Variants in MGAT5 observed in about 807,000 individuals in gnomAD.
MGAT5 encodes alpha-1,6-mannosylglycoprotein 6-beta-N-acetylglucosaminyltransferase.
In MGAT5, 30 loss-of-function variants were observed where a neutral mutation model predicts 94.3. That is an observed-to-expected ratio of 0.32 (90% confidence interval 0.24 to 0.43). The LOEUF is 0.43. Among genes scored for constraint, MGAT5 ranks in the 20% least tolerant of loss-of-function variants. MGAT5 has a pLI of 1.00. For missense variants in MGAT5, 691 were observed against 905.5 expected (o/e 0.76, Z 3.04); for synonymous variants, 310 against 322.9 (o/e 0.96, Z 0.43).
rs796433412 is a variant in MGAT5, at chr2:134,381,411, TA to T, written c.1380+19004del. Among the ~76,000 whole-genome samples the T allele has an allele frequency of 1.2e-4, 14 of 116,820 alleles. 1 individual carries two copies. Among genetic ancestry groups the T allele is most frequent in the African/African-American group, 4.6e-4 (14 of 30,232 alleles). 76.6% of individuals were successfully genotyped at this position (116,820 alleles called of 152,430 possible). Reference sequence around the variant, plus strand: ...ATAGATAGATAGATAGATAGATAGATAGATAGATAGATAGATAGATAGCCTG... The same window carrying T: ...ATAGATAGATAGATAGATAGATAGATGATAGATAGATAGATAGATAGCCTG... On this transcript the variant is annotated intron_variant, in intron 10 of 15. Coordinates refer to ENST00000281923, the MANE Select transcript of MGAT5 (RefSeq NM_002410.5).
intron 2 of MGAT5, among the ~76,000 whole-genome samples, chr2:134,288,907 A>C (rs897211898): frequency 1.3e-5 from 2 of 152,110 alleles, no homozygotes; most frequent in Non-Finnish European, 2.9e-5. Flanking sequence ...CAAACCTCTC[A>C]TTGTCACTGT....
intron 15 of MGAT5, among the ~76,000 whole-genome samples, chr2:134,444,366 C>CTGG (rs751052122): frequency 2.1e-4 from 32 of 152,242 alleles, no homozygotes; most frequent in Non-Finnish European, 1.2e-4. Flanking sequence ...ACCCCACCCC[C>CTGG]ACCTCCTACC....
Position 134,442,482 on chromosome 2 carries a change from A to G in MGAT5, c.2027+567A>G, listed in dbSNP as rs143430269. Among the ~76,000 whole-genome samples the G allele has an allele frequency of 1.2e-3, 182 of 152,302 alleles. 1 individual carries two copies. The Middle Eastern group carries it at 0.017, about 14-fold the overall frequency. On this transcript the variant is annotated intron_variant, in intron 15 of 15. Coordinates refer to ENST00000281923, the MANE Select transcript of MGAT5 (RefSeq NM_002410.5). ...TCCCTTTTGCACTTTCTTCTAGCTC[A>G]CTGACACATGGTGCATCTCAGGCCC...
intron 1 of MGAT5, among the ~76,000 whole-genome samples, chr2:134,121,015 G>A (rs1200169359): frequency 6.6e-6 from 1 of 152,068 alleles, no homozygotes; most frequent in Non-Finnish European, 1.5e-5. Context: ...AGCATGCTCA[G>A]TGCGGCCCTG....
chr2:134,130,312 A>G (rs919597565), intron 1 of MGAT5, among the ~76,000 whole-genome samples: 51 of 131,670 alleles, frequency 3.9e-4, no homozygotes, highest in Middle Eastern at 8.5e-3. Flanking sequence ...GAGCCTCCCC[A>G]GTAGCCCCAG....
intron 1 of MGAT5, among the ~76,000 whole-genome samples, chr2:134,130,057 T>A (rs1686055602): frequency 6.6e-6 from 1 of 152,180 alleles, no homozygotes; most frequent in African/African-American, 2.4e-5. Flanking sequence ...AGTGAGGGGC[T>A]TAGCACCCGT....
chr2:134,285,851 C>CT (rs780580252), intron 2 of MGAT5, among the ~76,000 whole-genome samples: 69 of 152,304 alleles, frequency 4.5e-4, no homozygotes, highest in Non-Finnish European at 8.2e-4. Context: ...TGGCTCCTCT[C>CT]TGTTTTCCAG....
intron 2 of MGAT5, among the ~76,000 whole-genome samples, chr2:134,284,365 A>G (rs909441924): frequency 6.6e-6 from 1 of 152,186 alleles, no homozygotes. Context: ...TTGTTTACTT[A>G]CTGTCTGTGG....
chr2:134,258,138 A>G (rs1166342764), intron 1 of MGAT5, among the ~76,000 whole-genome samples: 1 of 142,444 alleles, frequency 7.0e-6, no homozygotes, highest in African/African-American at 2.7e-5. Context: ...TCGGTGAACT[A>G]TGACCTATGC....
In MGAT5 at chr2:134,419,123, A is replaced by G. The variant is rs373454663; in HGVS notation, c.1678-3680A>G. ...TTTTACACCCACACAAATCTTTCATATTAAGTAATAATTGATCCACCTAAA... is the reference window on the plus strand; with the variant it reads ...TTTTACACCCACACAAATCTTTCATGTTAAGTAATAATTGATCCACCTAAA... On this transcript the variant is annotated intron_variant, in intron 12 of 15. Coordinates refer to ENST00000281923, the MANE Select transcript of MGAT5 (RefSeq NM_002410.5). 8.5e-5 allele frequency among the ~76,000 whole-genome samples: 13 copies of G among 152,366 alleles called. No homozygotes were observed. In the East Asian group the frequency reaches 2.3e-3, roughly 27 times the overall value.
At chr2:134,339,153 T>C (rs1688493552) in intron 6 of MGAT5, among the ~76,000 whole-genome samples, 2 of 152,190 alleles carry the variant, frequency 1.3e-5, no homozygotes, top group South Asian at 4.1e-4. Flanking sequence ...CAAGTCACAG[T>C]TTGATAGGTC....
At chr2:134,225,684 C>T (rs1450554200) in intron 1 of MGAT5, among the ~76,000 whole-genome samples, 1 of 152,096 alleles carries the variant, frequency 6.6e-6, no homozygotes, top group Non-Finnish European at 1.5e-5. Flanking sequence ...TGTATACAGT[C>T]ATTATAGGAC....
At chr2:134,394,831 A>G (rs151190990) in intron 10 of MGAT5, among the ~76,000 whole-genome samples, 303 of 152,328 alleles carry the variant, frequency 2.0e-3, no homozygotes, top group African/African-American at 6.8e-3. Flanking sequence ...TTTAAACAGT[A>G]TCTGGCCAAG....
At chr2:134,230,588 C>T (rs552461333) in intron 1 of MGAT5, among the ~76,000 whole-genome samples, 2 of 152,260 alleles carry the variant, frequency 1.3e-5, no homozygotes, top group African/African-American at 2.4e-5. Flanking sequence ...TGTATTAAAA[C>T]ATCACTATGT....
chr2:134,131,358 G>A (rs1686154839), intron 1 of MGAT5, among the ~76,000 whole-genome samples: 1 of 152,202 alleles, frequency 6.6e-6, no homozygotes, highest in East Asian at 1.9e-4. Context: ...AAGGAAACTT[G>A]CCCAGGGTCA....
At chr2:134,403,274 T>C (rs1012411830) in intron 11 of MGAT5, 137 bp downstream of exon 11, 17 of 791,040 alleles carry the variant, frequency 2.1e-5, no homozygotes, top group East Asian at 5.9e-5. Flanking sequence ...GCTAGACCAA[T>C]GGCAGCTGAA....
intron 1 of MGAT5, among the ~76,000 whole-genome samples, chr2:134,214,795 A>G (rs897791851): frequency 6.6e-6 from 1 of 152,204 alleles, no homozygotes; most frequent in Non-Finnish European, 1.5e-5. Context: ...CTTAGTAAGC[A>G]AACCAGTACC....
Position 134,171,568 on chromosome 2 carries a change from C to T in MGAT5, c.-143+51277C>T, listed in dbSNP as rs1198336416. Among the ~76,000 whole-genome samples, 9 of 152,268 alleles carry T rather than the reference C, an allele frequency of 5.9e-5. No individual in the cohort carries two copies. The East Asian group carries it at 1.2e-3, about 20-fold the overall frequency. On this transcript the variant is annotated intron_variant, in intron 1 of 16. Transcript: ENST00000409645. The stretch of plus-strand genomic sequence containing the variant: ...GCCTCTGGGTGTCGAAGTGATAGGG[C>T]CGCCCACCTAGCTATTTTTAAGTAT...
chr2:134,442,879 C>T (rs189614316), intron 15 of MGAT5, among the ~76,000 whole-genome samples: 6 of 142,096 alleles, frequency 4.2e-5, no homozygotes, highest in African/African-American at 1.5e-4. Context: ...AATAATAAGA[C>T]CCTGCTGTCC....
Sources: allele counts gnomAD v4.1 joint callset (sites outside exome capture counted in the v4.1 genomes callset), GRCh38; gene constraint gnomAD v4.1.1; transcripts MANE v1.5; gene names NCBI Gene and HGNC (gene_info 2026-07-23, HGNC 2026-07-21).